The following CENPF variants were observed in gnomAD, a reference collection of about 807,000 sequenced individuals.
CENPF encodes AH antigen.
In CENPF, 214 loss-of-function variants were observed where a neutral mutation model predicts 307.3. The ratio of observed to expected loss-of-function variants is 0.70; its 90% CI spans 0.62 to 0.78. The LOEUF (loss-of-function observed/expected upper bound fraction) is 0.78. CENPF is among the 30% of genes least tolerant of loss of function. The pLI, the probability that CENPF is intolerant of heterozygous loss-of-function variation, is 0.00. For synonymous variants in CENPF, 1,259 were observed against 1,270.6 expected (o/e 0.99, Z 0.19); for missense variants, 3,401 against 3,483.9 (o/e 0.98, Z 0.60).
intron 11 of CENPF, among the ~76,000 whole-genome samples, chr1:214,638,603 A>C (rs1658023893): frequency 6.6e-6 from 1 of 152,180 alleles, no homozygotes; most frequent in African/African-American, 2.4e-5. Context: ...TTGCATATCT[A>C]GAATTTCTTT....
In CENPF at chr1:214,644,681, T is replaced by C; in HGVS notation, c.5111T>C (p.Leu1704Pro). The C allele has an allele frequency of 6.2e-7, 1 of 1,614,038 alleles. No individual in the cohort carries two copies. The highest frequency in any genetic ancestry group is 1.1e-5 in the South Asian group (1 of 91,076). ...CDKDAQQDLN[L>P]DIEKITETGA... The stretch of plus-strand genomic sequence containing the variant: ...AAAGATGCTCAGCAGGACCTCAATC[T>C]AGACATTGAGAAAATAACTGAGACT... The change falls in exon 13 of 20, where the codon CTA becomes CCA. Residue 1704 changes from leucine to proline, a missense_variant. Coordinates refer to ENST00000366955, the MANE Select transcript of CENPF (RefSeq NM_016343.4).
At chr1:214,611,760 T>A (rs2102528211) in intron 1 of CENPF, among the ~76,000 whole-genome samples, 1 of 152,340 alleles carries the variant, frequency 6.6e-6, no homozygotes, top group East Asian at 1.9e-4. Context: ...GAGATTGCAT[T>A]TTTGATTTGG....
intron 16 of CENPF, chr1:214,653,352 C>G: frequency 5.0e-6 from 1 of 200,340 alleles, no homozygotes; most frequent in Non-Finnish European, 1.1e-5. Flanking sequence ...TCCAACTTCA[C>G]TGTCACCATA....
Position 214,640,064 on chromosome 1 carries a change from A to G in CENPF, c.1726A>G (p.Lys576Glu). 1.2e-6 allele frequency: 2 copies of G among 1,601,966 alleles called. No individual in the cohort carries two copies. Among genetic ancestry groups the G allele is most frequent in the Non-Finnish European group, 1.7e-6 (2 of 1,177,288 alleles). ...AGATTGTTCTCAAGACCTTTTGAAG[A>G]AAAGAGAACATCACATTGAACAACT... is the stretch of plus-strand genomic sequence containing the variant. ...QRDCSQDLLKKREHHIEQLND... is the reference protein window; with the variant it reads ...QRDCSQDLLKEREHHIEQLND... The change falls in exon 12 of 20, where the codon AAA (lysine) becomes GAA (glutamate). Residue 576 changes from lysine (K) to glutamate (E), a missense_variant. By Grantham distance (56) the Lys-to-Glu change is moderately conservative (BLOSUM62 1). Coordinates refer to ENST00000366955, the MANE Select transcript of CENPF (RefSeq NM_016343.4).
In CENPF at chr1:214,646,094, TTGA is replaced by T. The variant is rs1658291123; in HGVS notation, c.6527_6529del (p.Asp2176del). On this transcript the variant is annotated inframe_deletion, in exon 13 of 20. Coordinates refer to ENST00000366955, the MANE Select transcript of CENPF (RefSeq NM_016343.4). ...GAAGAAAACCAGGAGCTAGTGATTC[TTGA>T]TGCCGAGAATTCCAAAGCAGAAGTA... The T allele has an allele frequency of 1.2e-6, 2 of 1,613,962 alleles. No homozygotes were observed. The highest frequency in any genetic ancestry group is 1.7e-5 in the Admixed American group (1 of 60,004).
rs759697597 is a variant in CENPF at position 214,645,609 on chromosome 1, G to A, written c.6039G>A (p.Thr2013=). ...CAGAGGCAGAGGTGAAGGAAAAGACGGAACTCCTTCAGACTTTGTCCTCTG... is the reference window on the plus strand; with the variant it reads ...CAGAGGCAGAGGTGAAGGAAAAGACAGAACTCCTTCAGACTTTGTCCTCTG... The part of the protein sequence containing the change: ...QVAEAEVKEK[T]ELLQTLSSDV... Residue 2013 remains threonine (T), a synonymous_variant, in exon 13 of 20, where the codon ACG becomes ACA. Transcript: ENST00000366955. 8 of 1,613,952 alleles carry A rather than the reference G, an allele frequency of 5.0e-6. No homozygotes were observed. Among genetic ancestry groups the A allele is most frequent in the Admixed American group, 3.3e-5 (2 of 59,998 alleles).
Position 214,619,234 on chromosome 1 carries a change from G to C in CENPF, c.573+14G>C, listed in dbSNP as rs910726264. The C allele has an allele frequency of 7.8e-7, 1 of 1,280,026 alleles. No individual in the cohort carries two copies. Among genetic ancestry groups the C allele is most frequent in the African/African-American group, 1.5e-5 (1 of 67,276 alleles). 79.3% of individuals were successfully genotyped at this position (1,280,026 alleles called of 1,614,324 possible). On this transcript the variant is annotated intron_variant, in intron 5 of 19. Coordinates refer to ENST00000366955, the MANE Select transcript of CENPF (RefSeq NM_016343.4). ...TTGCAGGCTAAAGTAAGTTAATTAT[G>C]GGCCCTATAATAGAGTATGCAGTTA...
At chr1:214,608,379 C>T in intron 1 of CENPF, 5 of 1,613,152 alleles carry the variant, frequency 3.1e-6, no homozygotes, top group Admixed American at 3.3e-5. Flanking sequence ...AAGGCCTACC[C>T]GAGCTGGCAC....
At position 214,646,640 on chromosome 1, in the gene CENPF, T is replaced by C; in HGVS notation, c.7070T>C (p.Leu2357Pro). 6.2e-7 allele frequency: 1 copy of C among 1,614,002 alleles called. No individual in the cohort carries two copies. The highest frequency in any genetic ancestry group is 8.5e-7 in the Non-Finnish European group (1 of 1,179,980). ...IARTNQEHAA[L>P]EAENSKGEVE... The stretch of plus-strand genomic sequence containing the variant: ...AGGACAAACCAAGAGCATGCAGCTC[T>C]TGAGGCAGAGAATTCCAAAGGAGAG... The change falls in exon 13 of 20, where the codon CTT becomes CCT. Residue 2357 changes from leucine (L) to proline (P), a missense_variant. By Grantham distance (98) the Leu-to-Pro change is moderately conservative. Coordinates refer to ENST00000366955, the MANE Select transcript of CENPF (RefSeq NM_016343.4).
Position 214,607,608 on chromosome 1 carries a change from C to T in CENPF, c.-42+4287C>T, listed in dbSNP as rs573337139. Among the ~76,000 whole-genome samples the T allele has an allele frequency of 5.3e-5, 8 of 152,284 alleles. No homozygotes were observed. The South Asian group carries it at 1.0e-3, about 20-fold the overall frequency. ...TGGTCCCTGCGGGAGCAGGTCAGAC[C>T]AGTGGGCTGGGCAGGGCCAGGACGA... On this transcript the variant is annotated intron_variant, in intron 1 of 19. Coordinates refer to ENST00000366955, the MANE Select transcript of CENPF (RefSeq NM_016343.4).
intron 1 of CENPF, among the ~76,000 whole-genome samples, chr1:214,609,424 A>G (rs1294436462): frequency 6.6e-6 from 1 of 152,212 alleles, no homozygotes; most frequent in Non-Finnish European, 1.5e-5. Context: ...TGGCCGGGTC[A>G]GGGATCTCAG....
Position 214,648,840 on chromosome 1 carries a change from G to A in CENPF, c.7983+13G>A. 6.2e-7 allele frequency: 1 copy of A among 1,612,078 alleles called. No individual in the cohort carries two copies. Among genetic ancestry groups the A allele is most frequent in the Non-Finnish European group, 8.5e-7 (1 of 1,178,926 alleles). On this transcript the variant is annotated intron_variant, in intron 14 of 19. Coordinates refer to ENST00000366955, the MANE Select transcript of CENPF (RefSeq NM_016343.4). ...AAAGAGCAGCAAAGTAAGTTTCTTT[G>A]TGACAAGTGTTATTATGATCTGTTA...
Position 214,637,906 on chromosome 1 carries a change from A to G in CENPF, c.1487A>G (p.Glu496Gly), listed in dbSNP as rs772214721. The G allele has an allele frequency of 1.9e-6, 3 of 1,613,488 alleles. No homozygotes were observed. The highest frequency in any genetic ancestry group is 2.5e-6 in the Non-Finnish European group (3 of 1,179,866). ...AACAACCTCCTTAAGAGTCACTCTG[A>G]GCAAAAGGCCAGAGAAGTCTGCCAC... ...KENNLLKSHSEQKAREVCHLE... is the reference protein window; with the variant it reads ...KENNLLKSHSGQKAREVCHLE... Residue 496 changes from glutamate to glycine, a missense_variant, in exon 11 of 20, where the codon GAG (glutamate) becomes GGG (glycine). Physicochemically the swap from Glu to Gly is moderately conservative, Grantham distance 98. Transcript: ENST00000366955.
chr1:214,605,612 G>T (rs1459834114), intron 1 of CENPF: 11 of 1,387,522 alleles, frequency 7.9e-6, no homozygotes, highest in Admixed American at 4.1e-5. Flanking sequence ...CCCCTGGGGG[G>T]CCGGCGCGGG....
At chr1:214,650,274 T>C (rs1658426468) in intron 14 of CENPF, among the ~76,000 whole-genome samples, 1 of 144,044 alleles carries the variant, frequency 6.9e-6, no homozygotes, top group South Asian at 2.1e-4. Flanking sequence ...GTATTTTTTT[T>C]AGAAATTGAA....
rs190762057 is a variant in CENPF at position 214,646,257 on chromosome 1, A to G, written c.6687A>G (p.Leu2229=). 6.2e-7 allele frequency: 1 copy of G among 1,614,170 alleles called. No homozygotes were observed. Among genetic ancestry groups the G allele is most frequent in the African/African-American group, 1.3e-5 (1 of 75,048 alleles). ...IQEKQGQLSE[L]DKLLSSFKSL... ...AAAAACAAGGTCAGTTGTCAGAACTAGACAAGTTACTCTCTTCATTTAAAA... is the reference window on the plus strand; with the variant it reads ...AAAAACAAGGTCAGTTGTCAGAACTGGACAAGTTACTCTCTTCATTTAAAA... Residue 2229 remains leucine (L), a synonymous_variant, in exon 13 of 20, where the codon CTA becomes CTG. Coordinates refer to ENST00000366955, the MANE Select transcript of CENPF (RefSeq NM_016343.4).
chr1:214,605,501 C>T (rs1656998034), intron 1 of CENPF: 3 of 529,364 alleles, frequency 5.7e-6, no homozygotes, highest in African/African-American at 1.9e-5. Context: ...TTTCTTCTTG[C>T]TTCCAAAAGG....
intron 14 of CENPF, among the ~76,000 whole-genome samples, chr1:214,649,882 A>G (rs1039501728): frequency 2.0e-5 from 3 of 152,210 alleles, no homozygotes; most frequent in Non-Finnish European, 4.4e-5. Context: ...TTATTCATTC[A>G]TTTATTCATT....
At chr1:214,626,332 A>G (rs1225604287) in intron 7 of CENPF, among the ~76,000 whole-genome samples, 5 of 152,068 alleles carry the variant, frequency 3.3e-5, no homozygotes, top group African/African-American at 9.7e-5. Context: ...TGTTTGTTTT[A>G]CTATAATGTC....
Sources: gnomAD v4.1 joint callset for allele counts (sites outside exome capture counted in the v4.1 genomes callset) on GRCh38, gnomAD v4.1.1 for gene constraint, MANE v1.5 for transcripts, NCBI Gene and HGNC (gene_info 2026-07-23, HGNC 2026-07-21) for gene names.